The following MARCHF1 variants were observed in gnomAD, a reference collection of about 807,000 sequenced individuals.
The protein encoded by MARCHF1 is membrane associated ring-CH-type finger 1.
MARCHF1 carries 40 observed loss-of-function variants against 54.2 expected under a neutral mutation model. That is an observed-to-expected ratio of 0.74 (90% CI 0.57 to 0.96). The LOEUF is 0.96. Among genes scored for constraint, MARCHF1 ranks in the 40% least tolerant of loss-of-function variants. The pLI is 0.00. For synonymous variants in MARCHF1, 236 were observed against 236.3 expected, an observed-to-expected ratio of 1.00 and a Z score of 0.01; for missense variants, 586 against 656.5, an observed-to-expected ratio of 0.89 and a Z score of 1.17.
intron 4 of MARCHF1, among the ~76,000 whole-genome samples, chr4:163,757,834 G>A (rs900249501): frequency 1.1e-4 from 16 of 152,230 alleles, no homozygotes; most frequent in South Asian, 4.2e-4. Context: ...GTTGAGTTAC[G>A]CTAAGGACTG....
At chr4:164,219,396 A>T (rs1347616988) in intron 1 of MARCHF1, among the ~76,000 whole-genome samples, 1 of 152,110 alleles carries the variant, frequency 6.6e-6, no homozygotes, top group African/African-American at 2.4e-5. Flanking sequence ...AAAACCAATG[A>T]TCTTCAAATG....
At chr4:163,922,012 A>T (rs994851779) in intron 3 of MARCHF1, among the ~76,000 whole-genome samples, 1 of 152,216 alleles carries the variant, frequency 6.6e-6, no homozygotes, top group Non-Finnish European at 1.5e-5. Flanking sequence ...AATGTGGCAC[A>T]TACACACCAT....
intron 8 of MARCHF1, among the ~76,000 whole-genome samples, chr4:163,575,090 C>G (rs1253635893): frequency 6.6e-6 from 1 of 151,908 alleles, no homozygotes; most frequent in South Asian, 2.1e-4. Context: ...AGTAAGCATC[C>G]TTTTCTTGCT....
intron 1 of MARCHF1, chr4:164,189,846 C>T (rs1399287708): frequency 6.3e-7 from 1 of 1,596,004 alleles, no homozygotes; most frequent in Non-Finnish European, 8.6e-7. Flanking sequence ...TCCTGCTCCT[C>T]GTGGGGTCCC....
intron 8 of MARCHF1, chr4:163,585,509 T>G: frequency 3.1e-6 from 1 of 320,730 alleles, no homozygotes; most frequent in Non-Finnish European, 5.7e-6. Context: ...ACACACTGAC[T>G]TTTAAAAAAG....
chr4:164,241,979 G>A (rs1012572102), intron 1 of MARCHF1, among the ~76,000 whole-genome samples: 2 of 152,208 alleles, frequency 1.3e-5, no homozygotes, highest in African/African-American at 2.4e-5. Context: ...AGGGTCCTAT[G>A]CCCACGGAGA....
Position 163,528,848 on chromosome 4 carries a change from T to TTTACA in MARCHF1, c.1533_1537dup (p.Asn513MetfsTer2). The TTTACA allele has an allele frequency of 6.2e-7, 1 of 1,613,376 alleles. No homozygotes were observed. The highest frequency in any genetic ancestry group is 8.5e-7 in the Non-Finnish European group (1 of 1,179,548). ...TACCACAGCATCTTTGATGTCTGTGTTTACATTACATGAGAAGTTCTTCTC... is the reference window on the plus strand; with the variant it reads ...TACCACAGCATCTTTGATGTCTGTGTTTACATTACATTACATGAGAAGTTCTTCTC... On this transcript the variant is annotated stop_gained and frameshift_variant, in exon 10 of 10. Coordinates refer to ENST00000514618, the MANE Select transcript of MARCHF1 (RefSeq NM_001394959.1). LOFTEE classifies it high-confidence loss of function.
intron 8 of MARCHF1, among the ~76,000 whole-genome samples, chr4:163,558,500 C>A (rs573575122): frequency 4.7e-4 from 71 of 152,192 alleles, no homozygotes; most frequent in African/African-American, 1.7e-3. Context: ...TTGGTCATTG[C>A]TGAAGTGACT....
At chr4:163,674,018 C>A (rs1441929238) in intron 5 of MARCHF1, among the ~76,000 whole-genome samples, 2 of 152,296 alleles carry the variant, frequency 1.3e-5, no homozygotes, top group East Asian at 1.9e-4. Context: ...AGGCCTTGAA[C>A]TGGTGAATCT....
chr4:163,764,166 C>G (rs867180879), intron 4 of MARCHF1, among the ~76,000 whole-genome samples: 1 of 151,992 alleles, frequency 6.6e-6, no homozygotes, highest in African/African-American at 2.4e-5. Context: ...ATTGTTCCAG[C>G]ATTTTGGATT....
intron 2 of MARCHF1, among the ~76,000 whole-genome samples, chr4:164,066,146 C>G (rs74967604): frequency 0.019 from 2,906 of 151,580 alleles, 82 homozygotes; most frequent in African/African-American, 0.066. Context: ...GGTATAATAT[C>G]CAGCATCTAT....
intron 2 of MARCHF1, among the ~76,000 whole-genome samples, chr4:164,015,937 A>T (rs1045423653): frequency 1.3e-5 from 2 of 151,880 alleles, no homozygotes; most frequent in Non-Finnish European, 2.9e-5. Flanking sequence ...CTACCATGTG[A>T]TCCAACAATC....
At chr4:163,806,031 G>A (rs146104753) in intron 4 of MARCHF1, among the ~76,000 whole-genome samples, 1 of 152,282 alleles carries the variant, frequency 6.6e-6, no homozygotes, top group Non-Finnish European at 1.5e-5. Flanking sequence ...TTCTTCAGAG[G>A]ATGGTTGGAT....
chr4:163,987,994 C>T (rs998480111), intron 3 of MARCHF1, among the ~76,000 whole-genome samples: 6 of 152,156 alleles, frequency 3.9e-5, no homozygotes, highest in East Asian at 1.9e-4. Flanking sequence ...GCACTGCCAA[C>T]GAATGAAGTG....
chr4:163,763,211 C>A (rs1227034379), intron 4 of MARCHF1, among the ~76,000 whole-genome samples: 2 of 152,034 alleles, frequency 1.3e-5, no homozygotes, highest in African/African-American at 2.4e-5. Context: ...GAGGCCCTAG[C>A]AAATCCCCTG....
chr4:163,880,491 A>G (rs1750391790), intron 3 of MARCHF1, among the ~76,000 whole-genome samples: 2 of 151,210 alleles, frequency 1.3e-5, no homozygotes, highest in Admixed American at 6.6e-5. Context: ...AATTCTCTAT[A>G]TTTCTAATAC....
chr4:164,201,927 C>A (rs1220061679), intron 1 of MARCHF1, among the ~76,000 whole-genome samples: 2 of 152,144 alleles, frequency 1.3e-5, no homozygotes, highest in East Asian at 3.9e-4. Flanking sequence ...GCTAATTATT[C>A]TTTCCTTCAA....
At chr4:163,650,697 AT>A (rs1301703783) in intron 5 of MARCHF1, among the ~76,000 whole-genome samples, 6 of 151,992 alleles carry the variant, frequency 3.9e-5, no homozygotes, top group Non-Finnish European at 8.8e-5. Context: ...TATCTAAAAA[AT>A]TTCACAATAG....
At chr4:163,756,183 T>C (rs1023586601) in intron 4 of MARCHF1, among the ~76,000 whole-genome samples, 3 of 152,182 alleles carry the variant, frequency 2.0e-5, no homozygotes, top group Non-Finnish European at 4.4e-5. Context: ...ACGTACAAGG[T>C]TGAACATTGA....
Sources: allele counts gnomAD v4.1 joint callset (sites outside exome capture counted in the v4.1 genomes callset), GRCh38; gene constraint gnomAD v4.1.1; transcripts MANE v1.5; gene names NCBI Gene and HGNC (gene_info 2026-07-23, HGNC 2026-07-21).